Variants in STXBP5L observed in about 807,000 individuals in gnomAD.
STXBP5L encodes syntaxin binding protein 5L.
A neutral mutation model predicts 144.5 loss-of-function variants in STXBP5L; 65 were observed. The ratio of observed to expected loss-of-function variants is 0.45; its 90% CI spans 0.37 to 0.55. STXBP5L has a LOEUF of 0.55. STXBP5L is among the 20% of genes least tolerant of loss of function. STXBP5L has a pLI of 0.00. For missense variants in STXBP5L, 1,298 were observed against 1,405.5 expected, an observed-to-expected ratio of 0.92 and a Z score of 1.22; for synonymous variants, 505 against 469.6, an observed-to-expected ratio of 1.08 and a Z score of -0.97.
Position 121,207,888 on chromosome 3 carries a change from C to T in STXBP5L, c.956+1887C>T, listed in dbSNP as rs775810671. On this transcript the variant is annotated intron_variant, in intron 10 of 26. Transcript: ENST00000471454. ...GAACACTTTTACACTGTTGGTGGGA[C>T]TGTAAACTAGTTCAACCATTGTGGA... Among the ~76,000 whole-genome samples, 112 of 152,168 alleles carry T rather than the reference C, an allele frequency of 7.4e-4. 1 individual carries two copies. The highest frequency in any genetic ancestry group is 3.8e-4 in the Non-Finnish European group (26 of 67,998).
chr3:121,418,401 T>A lies in STXBP5L; in HGVS notation c.3291T>A (p.Ser1097Arg). The change falls in exon 26 of 27, where the codon AGT becomes AGA. Residue 1097 changes from serine to arginine, a missense_variant. By Grantham distance (110) the Ser-to-Arg change is moderately radical (BLOSUM62 -1). Coordinates refer to ENST00000471454, the MANE Select transcript of STXBP5L (RefSeq NM_001308330.2). ...CGCAACACATTCCTGGACCAGGTAGTATAGAAGGGATGAAAGGCGCTGCTG... is the reference window on the plus strand; with the variant it reads ...CGCAACACATTCCTGGACCAGGTAGAATAGAAGGGATGAAAGGCGCTGCTG... ...SLAQHIPGPG[S>R]IEGMKGAAGG... The A allele has an allele frequency of 6.2e-7, 1 of 1,613,962 alleles. No homozygotes were observed. Among genetic ancestry groups the A allele is most frequent in the South Asian group, 1.1e-5 (1 of 91,080 alleles).
At chr3:121,035,078 GT>G (rs575707972) in intron 3 of STXBP5L, among the ~76,000 whole-genome samples, 2 of 152,076 alleles carry the variant, frequency 1.3e-5, no homozygotes, top group South Asian at 4.1e-4. Context: ...TTGTTTTACT[GT>G]TGTTGAGTTG....
intron 3 of STXBP5L, among the ~76,000 whole-genome samples, chr3:121,023,921 A>T (rs1385191648): frequency 6.6e-6 from 1 of 151,950 alleles, no homozygotes; most frequent in Non-Finnish European, 1.5e-5. Flanking sequence ...ACCCCCAGCT[A>T]ATTTTTTTTT....
At chr3:121,102,344 T>G (rs1277611626) in intron 5 of STXBP5L, among the ~76,000 whole-genome samples, 1 of 151,942 alleles carries the variant, frequency 6.6e-6, no homozygotes, top group Non-Finnish European at 1.5e-5. Context: ...CAAAAGAGCA[T>G]CATACAGGTA....
intron 10 of STXBP5L, among the ~76,000 whole-genome samples, chr3:121,211,189 A>C (rs942566768): frequency 2.6e-5 from 4 of 152,122 alleles, no homozygotes; most frequent in African/African-American, 9.7e-5. Context: ...TTCTCTTTGT[A>C]GCAATTGTGA....
chr3:120,982,996 C>T (rs953484387), intron 3 of STXBP5L, among the ~76,000 whole-genome samples: 3 of 152,196 alleles, frequency 2.0e-5, no homozygotes, highest in Non-Finnish European at 4.4e-5. Flanking sequence ...TGCTGTGGAC[C>T]TGCCACCAAG....
At position 121,064,843 on chromosome 3, in the gene STXBP5L, G is replaced by A. The variant is rs575992763; in HGVS notation, c.470+19308G>A. 2.6e-5 allele frequency among the ~76,000 whole-genome samples: 4 copies of A among 152,292 alleles called. No individual in the cohort carries two copies. In the East Asian group the frequency reaches 7.7e-4, roughly 29 times the overall value. ...TTGGGGTATGGATCCTGTCGCCCAG[G>A]TGGTGAGCATAGTACCAAATAGGTA... On this transcript the variant is annotated intron_variant, in intron 5 of 26. Coordinates refer to ENST00000471454, the MANE Select transcript of STXBP5L (RefSeq NM_001308330.2).
intron 20 of STXBP5L, among the ~76,000 whole-genome samples, chr3:121,330,904 A>G (rs1322549048): frequency 1.3e-5 from 2 of 152,206 alleles, no homozygotes; most frequent in African/African-American, 2.4e-5. Flanking sequence ...CACAGAATCT[A>G]TATCACTCGC....
chr3:121,097,520 A>G (rs1342620330), intron 5 of STXBP5L, among the ~76,000 whole-genome samples: 1 of 152,004 alleles, frequency 6.6e-6, no homozygotes, highest in African/African-American at 2.4e-5. Flanking sequence ...TGGAGTGTGC[A>G]CCCTTCCTCA....
At chr3:121,414,638 T>G (rs1009787684) in intron 24 of STXBP5L, among the ~76,000 whole-genome samples, 2 of 152,190 alleles carry the variant, frequency 1.3e-5, no homozygotes, top group Non-Finnish European at 2.9e-5. Flanking sequence ...TAGACAGAAG[T>G]AGTGGCATGC....
At chr3:120,977,762 T>C (rs965434143) in intron 3 of STXBP5L, among the ~76,000 whole-genome samples, 5 of 152,166 alleles carry the variant, frequency 3.3e-5, no homozygotes, top group African/African-American at 1.2e-4. Context: ...TCTCTCAGCA[T>C]TTGCTTGTCT....
chr3:120,983,817 C>T (rs1266139236), intron 3 of STXBP5L, among the ~76,000 whole-genome samples: 1 of 152,166 alleles, frequency 6.6e-6, no homozygotes, highest in Admixed American at 6.5e-5. Context: ...CTTGTCACTT[C>T]TCTGTTGAAT....
intron 3 of STXBP5L, among the ~76,000 whole-genome samples, chr3:120,975,894 C>T (rs1327341983): frequency 6.6e-6 from 1 of 152,034 alleles, no homozygotes; most frequent in Non-Finnish European, 1.5e-5. Flanking sequence ...GGGATGAAGC[C>T]CACTTGATCA....
At chr3:121,414,062 ACTGAG>A (rs1352362199) in intron 24 of STXBP5L, among the ~76,000 whole-genome samples, 1 of 152,154 alleles carries the variant, frequency 6.6e-6, no homozygotes, top group Non-Finnish European at 1.5e-5. Flanking sequence ...CATATAAAAG[ACTGAG>A]CTCAGTGCCT....
At chr3:120,950,450 G>A (rs181601869) in intron 2 of STXBP5L, among the ~76,000 whole-genome samples, 9 of 152,158 alleles carry the variant, frequency 5.9e-5, no homozygotes, top group Admixed American at 1.3e-4. Flanking sequence ...ATAGAAAAAT[G>A]TGAGTTACCT....
chr3:121,322,350 T>C (rs1048554465), intron 20 of STXBP5L, among the ~76,000 whole-genome samples: 24 of 151,892 alleles, frequency 1.6e-4, no homozygotes, highest in Admixed American at 1.2e-3. Context: ...TGGTGGTGCA[T>C]GCCTGCAATC....
chr3:121,407,688 T>C, intron 23 of STXBP5L, 85 bp downstream of exon 23: 1 of 1,525,698 alleles, frequency 6.6e-7, no homozygotes, highest in Non-Finnish European at 8.9e-7. Flanking sequence ...TATGTGCAGA[T>C]GTTATCAAGA....
At chr3:121,346,896 G>A (rs1358280933) in intron 20 of STXBP5L, among the ~76,000 whole-genome samples, 1 of 152,116 alleles carries the variant, frequency 6.6e-6, no homozygotes, top group African/African-American at 2.4e-5. Flanking sequence ...CTCCCATTCT[G>A]TACATTGCCT....
intron 3 of STXBP5L, among the ~76,000 whole-genome samples, chr3:121,018,287 A>C (rs921848161): frequency 6.6e-6 from 1 of 152,208 alleles, no homozygotes; most frequent in African/African-American, 2.4e-5. Context: ...GAAGGAGAGC[A>C]GTTGGGAGAC....
Sources: allele counts gnomAD v4.1 joint callset (sites outside exome capture counted in the v4.1 genomes callset), GRCh38; gene constraint gnomAD v4.1.1; transcripts MANE v1.5; gene names NCBI Gene and HGNC (gene_info 2026-07-23, HGNC 2026-07-21).